The following ANO7 variants were observed in gnomAD, a reference collection of about 807,000 sequenced individuals.
The protein encoded by ANO7 is anoctamin-7.
ANO7 carries 114 observed loss-of-function variants against 115.8 expected under a neutral mutation model. That is an observed-to-expected ratio of 0.98 (90% CI 0.85 to 1.15). The LOEUF (loss-of-function observed/expected upper bound fraction) is 1.15. ANO7 is among the 50% of genes most tolerant of loss of function. The pLI, the probability that ANO7 is intolerant of heterozygous loss-of-function variation, is 0.00. For missense variants in ANO7, 1,302 were observed against 1,201.2 expected, an observed-to-expected ratio of 1.08 and a Z score of -1.24; for synonymous variants, 550 against 498.2, an observed-to-expected ratio of 1.10 and a Z score of -1.38.
chr2:241,217,958 GGGGCGCGCAGGGGCGGGCC>G (rs2068882853), intron 20 of ANO7, 67 bp downstream of exon 20: 1 of 127,670 alleles, frequency 7.8e-6, no homozygotes, highest in Non-Finnish European at 1.2e-5. Flanking sequence ...GGGGGCAGCG[GGGGCGCGCAGGGGCGGGCC>G]GGGGGCAGCG....
chr2:241,236,750 A>G, the ANO7 span: 6 of 1,614,196 alleles, frequency 3.7e-6, no homozygotes, highest in South Asian at 6.6e-5. Context: ...TCTCCTGGAC[A>G]ACTGGCTCTG....
At chr2:241,226,488 G>A (rs529012838), downstream of ANO7, among the ~76,000 whole-genome samples, 43 of 151,238 alleles carry the variant, frequency 2.8e-4, no homozygotes, top group African/African-American at 1.0e-3. Flanking sequence ...GCAGTGGTAC[G>A]ATCTCGGCTC....
At chr2:241,221,536 ATT>A (rs75387643) in intron 21 of ANO7, among the ~76,000 whole-genome samples, 1 of 141,054 alleles carries the variant, frequency 7.1e-6, no homozygotes. Context: ...CACCCAGATG[ATT>A]TTTTTTTTTT....
At chr2:241,192,440 C>T (rs1189000729) in intron 3 of ANO7, among the ~76,000 whole-genome samples, 3 of 152,170 alleles carry the variant, frequency 2.0e-5, no homozygotes, top group African/African-American at 7.2e-5. Context: ...GGCTTAGAGG[C>T]CTCTCTTTTG....
chr2:241,226,797 C>T (rs62186360), downstream of ANO7, among the ~76,000 whole-genome samples: 26,845 of 152,102 alleles, frequency 0.18, 3,183 homozygotes, highest in East Asian at 0.57. Context: ...GCAGCAGGAA[C>T]ACCTATTCCC....
chr2:241,218,380 A>G lies in ANO7; in HGVS notation c.2320A>G (p.Arg774Gly). Reference sequence around the variant, plus strand: ...CGCCGCCGCGCACAACCGCACGTGCAGGTGAGCCCCGCGCCAGGTGGAGGG... The same window carrying G: ...CGCCGCCGCGCACAACCGCACGTGCGGGTGAGCCCCGCGCCAGGTGGAGGG... ...SFAAAHNRTC[R>G]YRAFRDDDGH... Residue 774 changes from arginine (R) to glycine (G), a missense_variant and splice_region_variant, in exon 21 of 25, where the codon AGG (arginine) becomes GGG (glycine). Coordinates refer to ENST00000674324, the MANE Select transcript of ANO7 (RefSeq NM_001370694.2). The G allele has an allele frequency of 7.1e-7, 1 of 1,411,998 alleles. No homozygotes were observed. Among genetic ancestry groups the G allele is most frequent in the Non-Finnish European group, 9.3e-7 (1 of 1,080,224 alleles). The allele number at this position is 1,411,998 out of a possible 1,614,324, so 87.5% of individuals were successfully genotyped here.
chr2:241,205,032 T>C, intron 10 of ANO7, 77 bp downstream of exon 10: 1 of 1,252,806 alleles, frequency 8.0e-7, no homozygotes, highest in African/African-American at 1.5e-5. Context: ...GACCCCTAGG[T>C]GCTAGGTCCT....
At chr2:241,190,269 G>C in intron 2 of ANO7, 98 bp downstream of exon 2, 1 of 1,050,396 alleles carries the variant, frequency 9.5e-7, no homozygotes, top group Non-Finnish European at 1.4e-6. Flanking sequence ...GGGTGGATGG[G>C]CATCACCGTG....
At chr2:241,240,099 G>A in the ANO7 span, 3 of 1,614,050 alleles carry the variant, frequency 1.9e-6, no homozygotes, top group South Asian at 2.2e-5. This position sits in a 1 kb window ranked among gnomAD's most constrained non-coding sequence, Gnocchi z 5.5. Context: ...TGGCGCGGAT[G>A]TCAACAGTGA....
At chr2:241,210,661 T>G in intron 15 of ANO7, 91 bp downstream of exon 15, 1 of 1,021,626 alleles carries the variant, frequency 9.8e-7, no homozygotes, top group Non-Finnish European at 1.5e-6. Flanking sequence ...CTGACACACA[T>G]GGCCCTCATT....
intron 19 of ANO7, 33 bp downstream of exon 19, chr2:241,216,271 G>A: frequency 6.5e-7 from 1 of 1,531,376 alleles, no homozygotes; most frequent in Non-Finnish European, 8.8e-7. Context: ...GGCAATGGCT[G>A]GCGCCGTGGG....
chr2:241,234,677 C>G, the ANO7 span, among the ~76,000 whole-genome samples: 3 of 152,230 alleles, frequency 2.0e-5, no homozygotes, highest in Non-Finnish European at 4.4e-5. Context: ...TACAATCCTT[C>G]AAACGTCAGC....
Position 241,216,249 on chromosome 2 carries a change from G to A in ANO7, c.1972+11G>A, listed in dbSNP as rs542013987. On this transcript the variant is annotated intron_variant, in intron 19 of 24. Coordinates refer to ENST00000674324, the MANE Select transcript of ANO7 (RefSeq NM_001370694.2). ...AGTACCTGGAAATGGGTAGGAGCCC[G>A]TTAGCAGCTGCGGCAATGGCTGGCG... The A allele has an allele frequency of 2.8e-5, 44 of 1,576,170 alleles. No homozygotes were observed. The highest frequency in any genetic ancestry group is 9.2e-5 in the South Asian group (8 of 86,544).
At chr2:241,223,087 C>T (rs1026908653) in intron 21 of ANO7, 99 bp from the exon 22 acceptor site, 5 of 1,087,096 alleles carry the variant, frequency 4.6e-6, no homozygotes, top group African/African-American at 1.6e-5. Context: ...GATGAGAGAG[C>T]GAAATGGTGG....
At chr2:241,219,376 A>G (rs75279032) in intron 21 of ANO7, among the ~76,000 whole-genome samples, 7,511 of 152,028 alleles carry the variant, frequency 0.049, 655 homozygotes, top group African/African-American at 0.17. Context: ...CATACTTGTG[A>G]TCTCTTCATA....
At chr2:241,194,914 T>C (rs56298307) in intron 3 of ANO7, among the ~76,000 whole-genome samples, 2,986 of 152,306 alleles carry the variant, frequency 0.02, 109 homozygotes, top group African/African-American at 0.066. Context: ...ACTCCTCGGG[T>C]GTGGCCTGCG....
At chr2:241,237,033 G>GTCTCCCTTCTTCATC in the ANO7 span, among the ~76,000 whole-genome samples, 47 of 146,956 alleles carry the variant, frequency 3.2e-4, no homozygotes, top group Non-Finnish European at 2.1e-4. Flanking sequence ...TGAGCTCTGT[G>GTCTCCCTTCTTCATC]TCTCCCTTCT....
the ANO7 span, among the ~76,000 whole-genome samples, chr2:241,237,849 C>T: frequency 5.3e-5 from 8 of 152,260 alleles, no homozygotes; most frequent in African/African-American, 1.2e-4. Flanking sequence ...AAAACATAGA[C>T]AGAGTGCAGT....
chr2:241,231,578 C>G, the ANO7 span, among the ~76,000 whole-genome samples: 62 of 152,098 alleles, frequency 4.1e-4, no homozygotes, highest in African/African-American at 1.4e-3. Context: ...AAGCCCCAAG[C>G]CCCTCAGCTT....
Sources: gnomAD v4.1 joint callset for allele counts (sites outside exome capture counted in the v4.1 genomes callset) on GRCh38, gnomAD v4.1.1 for gene constraint, Gnocchi (gnomAD v3.1) non-coding constraint, MANE v1.5 for transcripts, NCBI Gene and HGNC (gene_info 2026-07-23, HGNC 2026-07-21) for gene names.